Variants in ATF7IP observed in about 807,000 individuals in gnomAD.
ATF7IP encodes activating transcription factor 7-interacting protein 1.
ATF7IP carries 23 observed loss-of-function variants against 106.4 expected under a neutral mutation model. That is an observed-to-expected ratio of 0.22 (90% confidence interval 0.16 to 0.31). ATF7IP has a LOEUF of 0.31. ATF7IP is among the 10% of genes least tolerant of loss of function. The pLI is 1.00. For synonymous variants in ATF7IP, 542 were observed against 539.0 expected (o/e 1.01, Z -0.08); for missense variants, 1,334 against 1,524.3 (o/e 0.88, Z 2.08).
chr12:14,421,584 C>T (rs113395609), intron 1 of ATF7IP, among the ~76,000 whole-genome samples: 7,307 of 152,146 alleles, frequency 0.048, 190 homozygotes, highest in Non-Finnish European at 0.059. Context: ...ATAAGGACAC[C>T]AATTGTATTG....
intron 11 of ATF7IP, among the ~76,000 whole-genome samples, chr12:14,477,426 A>G (rs1378748733): frequency 2.0e-5 from 3 of 152,230 alleles, no homozygotes; most frequent in Non-Finnish European, 4.4e-5. Context: ...TTTTTAATAG[A>G]CAGCCATGAC....
At chr12:14,426,260 A>G (rs554472480) in intron 2 of ATF7IP, among the ~76,000 whole-genome samples, 5 of 152,280 alleles carry the variant, frequency 3.3e-5, no homozygotes, top group African/African-American at 1.2e-4. Context: ...ACCTTCTTTT[A>G]TGGTCAAACT....
Position 14,478,346 on chromosome 12 carries a change from T to G in ATF7IP, c.2971T>G (p.Ser991Ala). 6.2e-7 allele frequency: 1 copy of G among 1,614,040 alleles called. No homozygotes were observed. Among genetic ancestry groups the G allele is most frequent in the Non-Finnish European group, 8.5e-7 (1 of 1,179,926 alleles). Residue 991 changes from serine (S) to alanine (A), a missense_variant, in exon 12 of 15, where the codon TCA becomes GCA. This residue lies in a region of ATF7IP where 370 missense variants were observed against 401.2 expected (regional missense o/e 0.92). Coordinates refer to ENST00000261168, the MANE Select transcript of ATF7IP (RefSeq NM_018179.5). ...CAAAAAACTAAATCACACTCCTGTA[T>G]CAACCATGAGTTCTTCTCAGCCTGT... ...DPKKLNHTPV[S>A]TMSSSQPVSR...
At chr12:14,456,471 TA>T in intron 6 of ATF7IP, 89 bp from the exon 7 acceptor site, 3 of 794,942 alleles carry the variant, frequency 3.8e-6, no homozygotes, top group Non-Finnish European at 4.3e-6. Context: ...ACAGATAATA[TA>T]TTGACAGGCA....
intron 13 of ATF7IP, among the ~76,000 whole-genome samples, chr12:14,486,912 T>G (rs936289747): frequency 3.9e-5 from 6 of 152,170 alleles, no homozygotes; most frequent in African/African-American, 1.4e-4. Flanking sequence ...CAAATCTGTT[T>G]CGCAAGGCAT....
Position 14,499,929 on chromosome 12 carries a change from A to C in ATF7IP, c.*1856A>C, listed in dbSNP as rs1253036146. The C allele has an allele frequency of 6.6e-6, 1 of 152,218 alleles. No homozygotes were observed. The highest frequency in any genetic ancestry group is 1.5e-5 in the Non-Finnish European group (1 of 68,038). 9.4% of individuals were successfully genotyped at this position (152,218 alleles called of 1,614,324 possible). A position where few individuals can be genotyped will look rare whatever the true frequency, so the allele number is the denominator to read the frequency against. On this transcript the variant is annotated 3_prime_UTR_variant, in exon 15 of 15. Transcript: ENST00000261168. ...TTCCTCTTCAAAGTTATTAAAATTC[A>C]GCTTAGGTCATGGATTTTTAATATG...
At chr12:14,372,793 A>G (rs1176923144) in intron 1 of ATF7IP, among the ~76,000 whole-genome samples, 6 of 152,118 alleles carry the variant, frequency 3.9e-5, no homozygotes, top group South Asian at 2.1e-4. Flanking sequence ...GTATAGCCCT[A>G]TGCTACTTTG....
rs1459205088 is a variant in ATF7IP at position 14,365,796 on chromosome 12, G to A, written c.-39G>A. The A allele has an allele frequency of 6.5e-6, 1 of 153,602 alleles. No individual in the cohort carries two copies. Among genetic ancestry groups the A allele is most frequent in the Non-Finnish European group, 1.5e-5 (1 of 68,198 alleles). The allele number at this position is 153,602 out of a possible 1,614,324, so 9.5% of individuals were successfully genotyped here. Reference sequence around the variant, plus strand: ...GGGACGGCTCTGTAGGAAGGAACTTGGTTCCCCCTCCCTCAGCTTCCGCCC... The same window carrying A: ...GGGACGGCTCTGTAGGAAGGAACTTAGTTCCCCCTCCCTCAGCTTCCGCCC... On this transcript the variant is annotated 5_prime_UTR_variant, in exon 1 of 15. Coordinates refer to ENST00000261168, the MANE Select transcript of ATF7IP (RefSeq NM_018179.5).
In ATF7IP at chr12:14,486,270, T is replaced by A. The variant is rs569558637; in HGVS notation, c.3280+5085T>A. Among the ~76,000 whole-genome samples the A allele has an allele frequency of 8.6e-4, 131 of 152,284 alleles. 1 individual carries two copies. Among genetic ancestry groups the A allele is most frequent in the African/African-American group, 3.1e-3 (129 of 41,578 alleles). On this transcript the variant is annotated intron_variant, in intron 13 of 14. Coordinates refer to ENST00000261168, the MANE Select transcript of ATF7IP (RefSeq NM_018179.5). ...TGGAGGACCACAATGATGCTTTGGG[T>A]CTCCTGGGATCAATGTAAGCTCAGA... is the stretch of plus-strand genomic sequence containing the variant.
chr12:14,498,122 C>T lies in ATF7IP; in HGVS notation c.*49C>T, dbSNP rs770061890. The T allele has an allele frequency of 1.1e-5, 17 of 1,501,624 alleles. No individual in the cohort carries two copies. The highest frequency in any genetic ancestry group is 1.3e-5 in the Non-Finnish European group (15 of 1,120,944). 93.0% of individuals were successfully genotyped at this position (1,501,624 alleles called of 1,614,324 possible). On this transcript the variant is annotated 3_prime_UTR_variant, in exon 15 of 15. Transcript: ENST00000261168. Reference sequence around the variant, plus strand: ...TCTTTTAAAATTTCCACCTTTTGGTCTTGTTTTTAATCTTGTGCATGATAC... The same window carrying T: ...TCTTTTAAAATTTCCACCTTTTGGTTTTGTTTTTAATCTTGTGCATGATAC...
intron 1 of ATF7IP, among the ~76,000 whole-genome samples, chr12:14,381,471 T>G (rs1286803511): frequency 4.6e-5 from 7 of 152,150 alleles, no homozygotes. Flanking sequence ...CCTTGAGTGG[T>G]CTGCCCACTT....
At chr12:14,388,044 A>G (rs1591771975) in intron 1 of ATF7IP, among the ~76,000 whole-genome samples, 1 of 120,452 alleles carries the variant, frequency 8.3e-6, no homozygotes, top group African/African-American at 3.3e-5. Flanking sequence ...ACGGAGTTTC[A>G]CTCTTATGGC....
intron 1 of ATF7IP, among the ~76,000 whole-genome samples, chr12:14,390,648 A>G (rs1939494066): frequency 6.6e-6 from 1 of 152,266 alleles, no homozygotes; most frequent in Non-Finnish European, 1.5e-5. Flanking sequence ...TAAGAAGTTT[A>G]TCACTGAAAA....
Position 14,424,550 on chromosome 12 carries a change from G to C in ATF7IP, c.635G>C (p.Gly212Ala). 1 of 1,614,132 alleles carries C rather than the reference G, an allele frequency of 6.2e-7. No homozygotes were observed. The highest frequency in any genetic ancestry group is 8.5e-7 in the Non-Finnish European group (1 of 1,180,012). ...CCCACCTCTAGTGATCCCATCCCAGGTGAACCGGTCCCTGTTGAACCCATT... is the reference window on the plus strand; with the variant it reads ...CCCACCTCTAGTGATCCCATCCCAGCTGAACCGGTCCCTGTTGAACCCATT... Reference protein sequence around the residue: ...GDPTSSDPIPGEPVPVEPISG... With the variant: ...GDPTSSDPIPAEPVPVEPISG... The change falls in exon 2 of 15, where the codon GGT becomes GCT. Residue 212 changes from glycine to alanine, a missense_variant. By Grantham distance (60) the Gly-to-Ala change is moderately conservative. Coordinates refer to ENST00000261168, the MANE Select transcript of ATF7IP (RefSeq NM_018179.5).
rs1263003979 is a variant in ATF7IP at position 14,438,159 on chromosome 12, G to A, written c.1821G>A (p.Leu607=). The A allele has an allele frequency of 3.1e-6, 5 of 1,613,186 alleles. No homozygotes were observed. The South Asian group carries it at 3.3e-5, about 11-fold the overall frequency. The part of the protein sequence containing the change: ...KVIQWLLEEK[L]CALQCAVFDK... ...TACAGTGGTTGCTGGAAGAAAAATT[G>A]TGTGCGCTGCAGTGTGCTGTATTTG... Residue 607 remains leucine (L), a synonymous_variant, in exon 5 of 15, where the codon TTG becomes TTA. Coordinates refer to ENST00000261168, the MANE Select transcript of ATF7IP (RefSeq NM_018179.5).
chr12:14,481,608 G>A (rs971577280), intron 13 of ATF7IP: 3 of 442,718 alleles, frequency 6.8e-6, no homozygotes, highest in Admixed American at 5.1e-5. Flanking sequence ...CTTCCCTTAG[G>A]AGAGTTAAAC....
chr12:14,433,804 T>C (rs1942264300), intron 2 of ATF7IP, among the ~76,000 whole-genome samples: 1 of 152,208 alleles, frequency 6.6e-6, no homozygotes, highest in South Asian at 2.1e-4. Flanking sequence ...GCTCAGTTGT[T>C]GGCACTGTTA....
intron 1 of ATF7IP, among the ~76,000 whole-genome samples, chr12:14,396,045 T>A (rs1310814854): frequency 6.6e-6 from 1 of 152,188 alleles, no homozygotes; most frequent in African/African-American, 2.4e-5. Context: ...TATAAAGAAA[T>A]GCCAATGTAT....
At chr12:14,425,904 A>T (rs1258914410) in intron 2 of ATF7IP, among the ~76,000 whole-genome samples, 1 of 152,202 alleles carries the variant, frequency 6.6e-6, no homozygotes, top group East Asian at 1.9e-4. Context: ...TTCCCAATGA[A>T]ATCCTGTTCT....
Sources: gnomAD v4.1 joint callset for allele counts (sites outside exome capture counted in the v4.1 genomes callset) on GRCh38, gnomAD v4.1.1 for gene constraint, gnomAD v4.1.1 regional missense constraint, MANE v1.5 for transcripts, NCBI Gene and HGNC (gene_info 2026-07-23, HGNC 2026-07-21) for gene names.